The following DGKB variants were observed in gnomAD, a reference collection of about 807,000 sequenced individuals.
DGKB encodes 90 kDa diacylglycerol kinase.
In DGKB, 67 loss-of-function variants were observed where a neutral mutation model predicts 114.3. That is an observed-to-expected ratio of 0.59 (90% CI 0.48 to 0.72). DGKB has a LOEUF of 0.72. DGKB is among the 30% of genes least tolerant of loss of function. The pLI, the probability that DGKB is intolerant of heterozygous loss-of-function variation, is 0.00. For missense variants in DGKB, 907 were observed against 975.2 expected (o/e 0.93, Z 0.93); for synonymous variants, 398 against 323.1 (o/e 1.23, Z -2.49).
chr7:14,673,536 C>A (rs1444742044), intron 12 of DGKB, among the ~76,000 whole-genome samples: 1 of 151,536 alleles, frequency 6.6e-6, no homozygotes, highest in East Asian at 1.9e-4. Flanking sequence ...AGATTCATCT[C>A]AGTAGGAGCA....
intron 1 of DGKB, among the ~76,000 whole-genome samples, chr7:14,845,576 A>G (rs1848527490): frequency 6.6e-6 from 1 of 152,172 alleles, no homozygotes; most frequent in Admixed American, 6.5e-5. Flanking sequence ...ATTTTTGTTC[A>G]TTTGTTCACT....
At chr7:14,314,340 C>G (rs529104308) in intron 23 of DGKB, among the ~76,000 whole-genome samples, 1 of 150,060 alleles carries the variant, frequency 6.7e-6, no homozygotes, top group Non-Finnish European at 1.5e-5. Context: ...CTCTGAGCTA[C>G]GGGAGGACAT....
intron 25 of DGKB, among the ~76,000 whole-genome samples, chr7:14,165,794 G>A (rs964570400): frequency 1.3e-5 from 2 of 152,108 alleles, no homozygotes; most frequent in Admixed American, 6.5e-5. Context: ...GCTTCTTCAC[G>A]TAGATGCCCT....
intron 13 of DGKB, among the ~76,000 whole-genome samples, chr7:14,654,329 C>T (rs998544174): frequency 6.6e-6 from 1 of 151,642 alleles, no homozygotes; most frequent in Non-Finnish European, 1.5e-5. Context: ...ATAAATTTAA[C>T]CAAGGAGGTA....
At chr7:14,162,074 C>G (rs965420843) in intron 25 of DGKB, among the ~76,000 whole-genome samples, 3 of 152,206 alleles carry the variant, frequency 2.0e-5, no homozygotes, top group African/African-American at 7.2e-5. Context: ...AGATTATTGC[C>G]TTTTAATGAA....
intron 23 of DGKB, among the ~76,000 whole-genome samples, chr7:14,224,364 A>G (rs1790453576): frequency 6.6e-6 from 1 of 151,934 alleles, no homozygotes; most frequent in Admixed American, 6.6e-5. Context: ...TGTATAATGT[A>G]TTGATAGCAT....
chr7:14,564,789 T>C (rs942625373), intron 20 of DGKB, among the ~76,000 whole-genome samples: 6 of 152,100 alleles, frequency 3.9e-5, no homozygotes, highest in African/African-American at 1.2e-4. Flanking sequence ...GAACATTATA[T>C]ACTTTTTGTT....
At chr7:14,320,437 C>G (rs182998875) in intron 23 of DGKB, among the ~76,000 whole-genome samples, 1 of 152,072 alleles carries the variant, frequency 6.6e-6, no homozygotes, top group African/African-American at 2.4e-5. Context: ...AATGCCATAG[C>G]CTTGCTCCAC....
intron 13 of DGKB, among the ~76,000 whole-genome samples, chr7:14,667,093 T>A (rs1280327608): frequency 1.3e-5 from 2 of 152,094 alleles, no homozygotes; most frequent in Non-Finnish European, 2.9e-5. Flanking sequence ...AAAAAGCATT[T>A]CATCAGTGCA....
At chr7:14,967,510 G>A (rs1036871727) in intron 1 of DGKB, among the ~76,000 whole-genome samples, 9 of 151,452 alleles carry the variant, frequency 5.9e-5, no homozygotes, top group Non-Finnish European at 1.3e-4. Flanking sequence ...TAGTAGAGAC[G>A]AGGTTTCACC....
intron 23 of DGKB, among the ~76,000 whole-genome samples, chr7:14,200,493 CT>C (rs561467054): frequency 3.3e-5 from 5 of 152,034 alleles, no homozygotes; most frequent in African/African-American, 1.2e-4. Flanking sequence ...CTAATTGTCT[CT>C]TTTTGTTTCT....
intron 18 of DGKB, among the ~76,000 whole-genome samples, chr7:14,582,483 A>G (rs2128726387): frequency 2.0e-5 from 3 of 152,314 alleles, no homozygotes; most frequent in Admixed American, 2.0e-4. Context: ...GTTCACAGCT[A>G]TAAGACTTTG....
chr7:14,404,964 T>C (rs1010776916), intron 21 of DGKB, among the ~76,000 whole-genome samples: 1 of 151,872 alleles, frequency 6.6e-6, no homozygotes, highest in Admixed American at 6.6e-5. Context: ...CTGGGTAATC[T>C]CATATAGTGC....
At chr7:14,186,144 T>G (rs1048572385) in intron 23 of DGKB, among the ~76,000 whole-genome samples, 2 of 152,102 alleles carry the variant, frequency 1.3e-5, no homozygotes, top group African/African-American at 2.4e-5. Flanking sequence ...ATAACCAGAA[T>G]CTACAAGAAA....
intron 17 of DGKB, among the ~76,000 whole-genome samples, chr7:14,586,086 A>C (rs75685730): frequency 8.3e-4 from 126 of 152,272 alleles, no homozygotes; most frequent in Non-Finnish European, 1.1e-3. Context: ...AAAAGCTAGA[A>C]ATTATTAAGC....
intron 1 of DGKB, among the ~76,000 whole-genome samples, chr7:14,900,787 C>G (rs1782899468): frequency 6.6e-6 from 1 of 152,132 alleles, no homozygotes; most frequent in South Asian, 2.1e-4. Flanking sequence ...CCGCTCAACT[C>G]CAACTACATA....
chr7:14,394,988 C>T (rs1340236298), intron 21 of DGKB, among the ~76,000 whole-genome samples: 1 of 152,064 alleles, frequency 6.6e-6, no homozygotes, highest in Admixed American at 6.6e-5. Context: ...TGAACTACGA[C>T]CTCTGAGAGT....
intron 22 of DGKB, among the ~76,000 whole-genome samples, chr7:14,341,086 T>C (rs778133247): frequency 2.6e-5 from 4 of 151,756 alleles, no homozygotes; most frequent in African/African-American, 4.8e-5. Context: ...CTTCAGAGTT[T>C]TGTCATGTGT....
At chr7:14,904,521 C>A (rs1438892502), upstream of DGKB, among the ~76,000 whole-genome samples, 1 of 152,040 alleles carries the variant, frequency 6.6e-6, no homozygotes, top group Non-Finnish European at 1.5e-5. Context: ...ACATCTTTCC[C>A]TGATGTGTTT....
Sources: allele counts gnomAD v4.1 joint callset (sites outside exome capture counted in the v4.1 genomes callset), GRCh38; gene constraint gnomAD v4.1.1; transcripts MANE v1.5; gene names NCBI Gene and HGNC (gene_info 2026-07-23, HGNC 2026-07-21).